The following ABLIM1 variants were observed in gnomAD, a reference collection of about 807,000 sequenced individuals.
ABLIM1 encodes actin-binding LIM protein 1.
A neutral mutation model predicts 107.0 loss-of-function variants in ABLIM1; 40 were observed. The ratio of observed to expected loss-of-function variants is 0.37; its 90% CI spans 0.29 to 0.49. The LOEUF is 0.49. Among genes scored for constraint, ABLIM1 ranks in the 20% least tolerant of loss-of-function variants. ABLIM1 has a pLI of 0.97. For synonymous variants in ABLIM1, 357 were observed against 357.3 expected, an observed-to-expected ratio of 1.00 and a Z score of 0.01; for missense variants, 857 against 1,008.5, an observed-to-expected ratio of 0.85 and a Z score of 2.04.
At chr10:114,641,648 TA>T (rs1465998230) in intron 1 of ABLIM1, among the ~76,000 whole-genome samples, 3 of 152,006 alleles carry the variant, frequency 2.0e-5, no homozygotes, top group Non-Finnish European at 4.4e-5. Flanking sequence ...GCTATGTGAG[TA>T]AGTACCTGAA....
At chr10:114,550,648 G>C (rs181806384) in intron 4 of ABLIM1, among the ~76,000 whole-genome samples, 1 of 152,052 alleles carries the variant, frequency 6.6e-6, no homozygotes, top group African/African-American at 2.4e-5. Context: ...ACATGTACCC[G>C]CTCTTATAGT....
chr10:114,448,269 A>G (rs1410238553), intron 14 of ABLIM1, among the ~76,000 whole-genome samples: 1 of 152,234 alleles, frequency 6.6e-6, no homozygotes, highest in African/African-American at 2.4e-5. Flanking sequence ...CCTATTCTAG[A>G]GTGCTGCCCA....
At chr10:114,438,651 AT>A in intron 21 of ABLIM1, among the ~76,000 whole-genome samples, 1 of 152,282 alleles carries the variant, frequency 6.6e-6, no homozygotes. Flanking sequence ...TCATGAATCT[AT>A]GGGGCCAGGC....
At chr10:114,747,851 C>T (rs974021041) in intron 1 of ABLIM1, among the ~76,000 whole-genome samples, 1 of 152,248 alleles carries the variant, frequency 6.6e-6, no homozygotes, top group East Asian at 1.9e-4. Context: ...ACCAGCCTAG[C>T]CAATATGGTG....
intron 8 of ABLIM1, among the ~76,000 whole-genome samples, chr10:114,485,964 G>A (rs374577980): frequency 1.3e-4 from 20 of 152,158 alleles, no homozygotes; most frequent in African/African-American, 4.1e-4. Context: ...CTCTGGGTAC[G>A]TGGGAGCCTC....
At chr10:114,453,946 A>G (rs1297515531) in intron 12 of ABLIM1, among the ~76,000 whole-genome samples, 2 of 152,230 alleles carry the variant, frequency 1.3e-5, no homozygotes, top group Non-Finnish European at 2.9e-5. Flanking sequence ...TCCGATCTGA[A>G]GGTTAAGTCT....
At chr10:114,533,047 A>T (rs60588618) in intron 6 of ABLIM1, among the ~76,000 whole-genome samples, 28,263 of 152,122 alleles carry the variant, frequency 0.19, 2,815 homozygotes, top group Middle Eastern at 0.31. Context: ...TTTTTAAAAA[A>T]TTTTTAAACT....
At chr10:114,753,957 T>C (rs2082574377) in intron 1 of ABLIM1, among the ~76,000 whole-genome samples, 1 of 152,184 alleles carries the variant, frequency 6.6e-6, no homozygotes, top group Non-Finnish European at 1.5e-5. Context: ...GTTCAAGTGA[T>C]TCTCCTGCCT....
chr10:114,459,336 C>G (rs184516015), intron 12 of ABLIM1, among the ~76,000 whole-genome samples: 342 of 152,352 alleles, frequency 2.2e-3, no homozygotes, highest in African/African-American at 8.0e-3. Flanking sequence ...ACAAAAAACC[C>G]TGGAAGACAT....
intron 16 of ABLIM1, among the ~76,000 whole-genome samples, chr10:114,445,051 T>C (rs770520015): frequency 6.6e-6 from 1 of 152,184 alleles, no homozygotes; most frequent in African/African-American, 2.4e-5. Context: ...CTCTCTTTCC[T>C]TCCCACAACA....
chr10:114,617,388 A>T (rs894858440), intron 1 of ABLIM1, among the ~76,000 whole-genome samples: 1 of 150,564 alleles, frequency 6.6e-6, no homozygotes, highest in African/African-American at 2.4e-5. Context: ...CAGCCTCCCG[A>T]GTAGCTGGGA....
At chr10:114,463,186 G>C (rs780549041) in intron 12 of ABLIM1, 1 of 1,251,002 alleles carries the variant, frequency 8.0e-7, no homozygotes, top group African/African-American at 1.6e-5. Flanking sequence ...GGAGTCAGGG[G>C]CAGGGCACGG....
intron 6 of ABLIM1, among the ~76,000 whole-genome samples, chr10:114,524,417 C>G (rs1812241146): frequency 6.6e-6 from 1 of 152,074 alleles, no homozygotes; most frequent in African/African-American, 2.4e-5. Flanking sequence ...CAATTGCACT[C>G]ACAAAACAAG....
chr10:114,713,335 TC>T (rs774069713), intron 1 of ABLIM1, among the ~76,000 whole-genome samples: 35 of 152,280 alleles, frequency 2.3e-4, no homozygotes, highest in Non-Finnish European at 4.7e-4. Flanking sequence ...TCTCATAAAA[TC>T]CTTGCATTTA....
At chr10:114,598,256 A>G (rs1340652618) in intron 2 of ABLIM1, among the ~76,000 whole-genome samples, 1 of 136,322 alleles carries the variant, frequency 7.3e-6, no homozygotes, top group African/African-American at 2.7e-5. Context: ...CCTGGGCAAC[A>G]AGAGTGAAAC....
At chr10:114,731,467 TGTTC>T (rs1390489896) in intron 1 of ABLIM1, among the ~76,000 whole-genome samples, 2 of 150,150 alleles carry the variant, frequency 1.3e-5, no homozygotes, top group Non-Finnish European at 3.0e-5. Context: ...TTTGTTTGTT[TGTTC>T]ATTTTTTGGA....
At chr10:114,482,574 C>G (rs1365399425) in intron 8 of ABLIM1, among the ~76,000 whole-genome samples, 1 of 152,172 alleles carries the variant, frequency 6.6e-6, no homozygotes, top group African/African-American at 2.4e-5. Flanking sequence ...ACTGGTGAGC[C>G]ATTCTTCAAT....
chr10:114,752,844 T>C (rs808303), intron 1 of ABLIM1, among the ~76,000 whole-genome samples: 29,089 of 152,220 alleles, frequency 0.19, 3,303 homozygotes, highest in East Asian at 0.45. Context: ...CTATCATTGA[T>C]GGGCATTTGG....
chr10:114,570,783 A>C (rs1004069373), intron 4 of ABLIM1, among the ~76,000 whole-genome samples: 10 of 151,550 alleles, frequency 6.6e-5, no homozygotes, highest in African/African-American at 2.4e-4. Context: ...TACTTTTTGC[A>C]TTTTTTGTAG....
Sources: gnomAD v4.1 joint callset for allele counts (sites outside exome capture counted in the v4.1 genomes callset) on GRCh38, gnomAD v4.1.1 for gene constraint, MANE v1.5 for transcripts, NCBI Gene and HGNC (gene_info 2026-07-23, HGNC 2026-07-21) for gene names.